The following RPS6KA5 variants were observed in gnomAD, a reference collection of about 807,000 sequenced individuals.
RPS6KA5 encodes the protein ribosomal protein S6 kinase alpha-5.
Under a neutral mutation model 85.5 loss-of-function variants are expected in RPS6KA5, and 27 were observed. That is an observed-to-expected ratio of 0.32 (90% CI 0.23 to 0.44). The LOEUF is 0.44. Ranked by LOEUF, RPS6KA5 falls within the 20% of genes least tolerant of loss-of-function variation. RPS6KA5 has a pLI of 1.00. For synonymous variants in RPS6KA5, 334 were observed against 348.2 expected, an observed-to-expected ratio of 0.96 and a Z score of 0.46; for missense variants, 811 against 980.9, an observed-to-expected ratio of 0.83 and a Z score of 2.31.
intron 1 of RPS6KA5, among the ~76,000 whole-genome samples, chr14:91,018,749 C>T (rs2041611758): frequency 1.3e-5 from 2 of 152,174 alleles, no homozygotes; most frequent in South Asian, 4.1e-4. Flanking sequence ...TGGACTTGGA[C>T]TGAACTACTA....
At chr14:91,049,507 C>T (rs1224084856) in intron 1 of RPS6KA5, among the ~76,000 whole-genome samples, 4 of 151,844 alleles carry the variant, frequency 2.6e-5, no homozygotes, top group African/African-American at 7.3e-5. Context: ...CCCAGCTACT[C>T]GGGAGGCTGA....
chr14:90,933,759 G>C (rs1444921974), intron 5 of RPS6KA5, among the ~76,000 whole-genome samples: 1 of 152,170 alleles, frequency 6.6e-6, no homozygotes, highest in African/African-American at 2.4e-5. Context: ...TGAGTAATCT[G>C]TACAATCCTT....
At position 90,906,177 on chromosome 14, in the gene RPS6KA5, T is replaced by A. The variant is rs758673014; in HGVS notation, c.929A>T (p.Asp310Val). The change falls in exon 8 of 17, where the codon GAT (aspartate) becomes GTT (valine). Residue 310 changes from aspartate to valine, a missense_variant. Coordinates refer to ENST00000614987, the MANE Select transcript of RPS6KA5 (RefSeq NM_004755.4). ...AAAGAAGAGATGTTCTTTGATTTCA[T>A]CTGCATCACGTGGACCACATCCCAA... Reference protein sequence around the residue: ...KRLGCGPRDADEIKEHLFFQK... With the variant: ...KRLGCGPRDAVEIKEHLFFQK... 6.2e-7 allele frequency: 1 copy of A among 1,608,666 alleles called. No homozygotes were observed. The highest frequency in any genetic ancestry group is 8.5e-7 in the Non-Finnish European group (1 of 1,175,990).
chr14:91,009,065 A>G (rs1261178197), intron 1 of RPS6KA5, among the ~76,000 whole-genome samples: 2 of 152,210 alleles, frequency 1.3e-5, no homozygotes, highest in Non-Finnish European at 2.9e-5. Context: ...CTCACTTTCA[A>G]AGATAAATTA....
intron 15 of RPS6KA5, among the ~76,000 whole-genome samples, chr14:90,874,146 C>T (rs566882322): frequency 2.6e-5 from 4 of 152,326 alleles, no homozygotes; most frequent in Admixed American, 2.6e-4. Flanking sequence ...TACTGGCCAT[C>T]TTCTATAGGT....
intron 1 of RPS6KA5, among the ~76,000 whole-genome samples, chr14:91,040,801 T>C (rs1398005405): frequency 2.6e-5 from 4 of 152,192 alleles, no homozygotes; most frequent in Non-Finnish European, 5.9e-5. Context: ...GGGAGGAAAG[T>C]ACCAATATCC....
At chr14:91,015,852 T>TAA (rs1227588509) in intron 1 of RPS6KA5, among the ~76,000 whole-genome samples, 1 of 152,222 alleles carries the variant, frequency 6.6e-6, no homozygotes, top group African/African-American at 2.4e-5. Flanking sequence ...GTGAGCTATA[T>TAA]AATCTAATAC....
intron 1 of RPS6KA5, among the ~76,000 whole-genome samples, chr14:91,032,797 A>G (rs999419879): frequency 5.3e-5 from 8 of 151,848 alleles, no homozygotes; most frequent in Non-Finnish European, 5.9e-5. Flanking sequence ...GAAAAAAAAA[A>G]AGAAAAACAT....
chr14:90,926,074 A>C (rs780402871), intron 5 of RPS6KA5, among the ~76,000 whole-genome samples: 37 of 152,156 alleles, frequency 2.4e-4, no homozygotes, highest in South Asian at 1.0e-3. Context: ...AGTAAATTAG[A>C]GGATACTTTT....
chr14:90,893,252 T>C (rs1327150336), intron 13 of RPS6KA5, among the ~76,000 whole-genome samples: 1 of 152,144 alleles, frequency 6.6e-6, no homozygotes, highest in South Asian at 2.1e-4. Flanking sequence ...ATACTTTCAG[T>C]GGGTGTTATG....
intron 14 of RPS6KA5, among the ~76,000 whole-genome samples, chr14:90,879,780 AAT>A (rs201619542): frequency 0.038 from 4,537 of 118,378 alleles, 200 homozygotes; most frequent in African/African-American, 0.15. Context: ...CTCCACTCCT[AAT>A]TTTTTTTTTT....
At chr14:91,057,043 C>T (rs1254789976) in intron 1 of RPS6KA5, among the ~76,000 whole-genome samples, 1 of 151,374 alleles carries the variant, frequency 6.6e-6, no homozygotes, top group African/African-American at 2.4e-5. Flanking sequence ...CCATGCCCAG[C>T]TAATTTTTTG....
At position 90,873,618 on chromosome 14, in the gene RPS6KA5, G is replaced by A. The variant is rs752555315; in HGVS notation, c.2160+14C>T. On this transcript the variant is annotated intron_variant, in intron 16 of 16. Coordinates refer to ENST00000614987, the MANE Select transcript of RPS6KA5 (RefSeq NM_004755.4). ...ACTCAAACCGCCCAACATGTACAGA[G>A]CACAGGGCCTTACGTGGAAGGTTGC... The A allele has an allele frequency of 6.2e-7, 1 of 1,612,596 alleles. No homozygotes were observed. The highest frequency in any genetic ancestry group is 1.1e-5 in the South Asian group (1 of 90,900).
At chr14:90,933,072 T>C (rs1246807577) in intron 5 of RPS6KA5, among the ~76,000 whole-genome samples, 1 of 152,242 alleles carries the variant, frequency 6.6e-6, no homozygotes, top group East Asian at 1.9e-4. Flanking sequence ...TTTCCTAAGG[T>C]TAAAACTGAG....
chr14:91,015,066 T>G (rs2041429596), intron 1 of RPS6KA5, among the ~76,000 whole-genome samples: 1 of 152,190 alleles, frequency 6.6e-6, no homozygotes, highest in Admixed American at 6.5e-5. Context: ...ATGTCTGAAC[T>G]TAATATACAC....
Position 90,872,110 on chromosome 14 carries a change from C to T in RPS6KA5, c.2373G>A (p.Pro791=), listed in dbSNP as rs761235262. The part of the protein sequence containing the change: ...QPSNPADSNN[P]ETLFQFSDSV... Reference sequence around the variant, plus strand: ...AGTCCGAGAACTGGAAGAGGGTCTCCGGGTTATTGCTGTCGGCAGGATTGC... The same window carrying T: ...AGTCCGAGAACTGGAAGAGGGTCTCTGGGTTATTGCTGTCGGCAGGATTGC... Residue 791 remains proline (P), a synonymous_variant, in exon 17 of 17, where the codon CCG becomes CCA. Coordinates refer to ENST00000614987, the MANE Select transcript of RPS6KA5 (RefSeq NM_004755.4). The T allele has an allele frequency of 1.9e-5, 30 of 1,613,102 alleles. No individual in the cohort carries two copies. The highest frequency in any genetic ancestry group is 6.7e-5 in the East Asian group (3 of 44,846).
At position 90,865,461 on chromosome 14, in the gene RPS6KA5, C is replaced by CA. The variant is rs1486798587; in HGVS notation, c.*6612dup. On this transcript the variant is annotated 3_prime_UTR_variant, in exon 17 of 17. Coordinates refer to ENST00000614987, the MANE Select transcript of RPS6KA5 (RefSeq NM_004755.4). ...TGTATAGGAATGTCAACAACAGTGACAGAGGTCAGAGTGGTGGTTATGTAT... is the reference window on the plus strand; with the variant it reads ...TGTATAGGAATGTCAACAACAGTGACAAGAGGTCAGAGTGGTGGTTATGTAT... 1 of 152,180 alleles carries CA rather than the reference C, an allele frequency of 6.6e-6. No homozygotes were observed. Among genetic ancestry groups the CA allele is most frequent in the Non-Finnish European group, 1.5e-5 (1 of 68,046 alleles). The allele number at this position is 152,180 out of a possible 1,614,324, so 9.4% of individuals were successfully genotyped here.
At chr14:91,000,884 T>C (rs1409230825) in intron 2 of RPS6KA5, among the ~76,000 whole-genome samples, 2 of 152,134 alleles carry the variant, frequency 1.3e-5, no homozygotes, top group Admixed American at 1.3e-4. Context: ...GTAAAAGGGA[T>C]TGGTTTCCCT....
chr14:90,903,949 ATT>A (rs11453206), intron 8 of RPS6KA5, among the ~76,000 whole-genome samples: 2 of 146,062 alleles, frequency 1.4e-5, no homozygotes, highest in Non-Finnish European at 1.5e-5. Flanking sequence ...ACTACCATAA[ATT>A]TTTTTTTTTT....
Sources: allele counts gnomAD v4.1 joint callset (sites outside exome capture counted in the v4.1 genomes callset), GRCh38; gene constraint gnomAD v4.1.1; transcripts MANE v1.5; gene names NCBI Gene and HGNC (gene_info 2026-07-23, HGNC 2026-07-21).